The following NKAIN2 variants were observed in gnomAD, a reference collection of about 807,000 sequenced individuals.
NKAIN2 encodes sodium/potassium-transporting ATPase subunit beta-1-interacting protein 2.
A neutral mutation model predicts 32.6 loss-of-function variants in NKAIN2; 14 were observed. That is an observed-to-expected ratio of 0.43 (90% CI 0.28 to 0.67). The LOEUF is 0.67. Ranked by LOEUF, NKAIN2 falls within the 30% of genes least tolerant of loss-of-function variation. NKAIN2 has a pLI of 0.17. For missense variants in NKAIN2, 198 were observed against 258.3 expected, an observed-to-expected ratio of 0.77 and a Z score of 1.60; for synonymous variants, 80 against 87.2, an observed-to-expected ratio of 0.92 and a Z score of 0.46.
chr6:124,578,510 G>T (rs1781411086), intron 3 of NKAIN2, among the ~76,000 whole-genome samples: 1 of 151,950 alleles, frequency 6.6e-6, no homozygotes, highest in Non-Finnish European at 1.5e-5. Context: ...AGGAAAGAGT[G>T]GGAAGGACTT....
intron 3 of NKAIN2, among the ~76,000 whole-genome samples, chr6:124,435,184 A>G (rs571911034): frequency 6.6e-6 from 1 of 152,288 alleles, no homozygotes; most frequent in Admixed American, 6.5e-5. Context: ...GGAATATGGC[A>G]TGCAAACATC....
chr6:124,541,619 AT>A (rs1351342587), intron 3 of NKAIN2, among the ~76,000 whole-genome samples: 1 of 152,196 alleles, frequency 6.6e-6, no homozygotes, highest in Non-Finnish European at 1.5e-5. Context: ...AAAACCAATT[AT>A]TACACAATTA....
At chr6:124,376,628 A>G (rs1265597069) in intron 3 of NKAIN2, among the ~76,000 whole-genome samples, 2 of 152,130 alleles carry the variant, frequency 1.3e-5, no homozygotes, top group Admixed American at 6.6e-5. Context: ...ACTTCCCTAC[A>G]TCACTGCCTT....
intron 1 of NKAIN2, among the ~76,000 whole-genome samples, chr6:123,932,717 T>G (rs146704310): frequency 5.9e-4 from 89 of 151,940 alleles, no homozygotes; most frequent in African/African-American, 2.0e-3. Flanking sequence ...GCGCCCAGCC[T>G]TTCTTTCTTG....
chr6:124,753,582 A>G (rs1322221765), intron 4 of NKAIN2, among the ~76,000 whole-genome samples: 2 of 152,102 alleles, frequency 1.3e-5, no homozygotes, highest in Non-Finnish European at 2.9e-5. Flanking sequence ...TTATATCAAG[A>G]GTCAAAATTC....
intron 1 of NKAIN2, among the ~76,000 whole-genome samples, chr6:124,158,703 C>T: frequency 6.6e-6 from 1 of 152,148 alleles, no homozygotes; most frequent in East Asian, 1.9e-4. Flanking sequence ...GAAGACCCTG[C>T]AATGAGGAGT....
intron 1 of NKAIN2, among the ~76,000 whole-genome samples, chr6:124,170,560 C>T (rs1026691262): frequency 2.0e-5 from 3 of 152,150 alleles, no homozygotes; most frequent in Non-Finnish European, 4.4e-5. Flanking sequence ...GAACATTTCT[C>T]TGTATCATTT....
At chr6:124,514,600 G>A (rs1778835272) in intron 3 of NKAIN2, among the ~76,000 whole-genome samples, 1 of 151,912 alleles carries the variant, frequency 6.6e-6, no homozygotes, top group African/African-American at 2.4e-5. Context: ...TTCAGTGTTG[G>A]GTAGATGGAT....
chr6:124,323,176 A>G (rs1365153354), intron 2 of NKAIN2, among the ~76,000 whole-genome samples: 1 of 152,220 alleles, frequency 6.6e-6, no homozygotes, highest in Admixed American at 6.5e-5. Context: ...AATATAAGTT[A>G]GCTGCCAGGT....
intron 3 of NKAIN2, among the ~76,000 whole-genome samples, chr6:124,443,608 A>G (rs1468163705): frequency 6.6e-6 from 1 of 152,096 alleles, no homozygotes; most frequent in African/African-American, 2.4e-5. Context: ...GCATAGGACC[A>G]TTATAAGGGT....
intron 1 of NKAIN2, among the ~76,000 whole-genome samples, chr6:123,815,516 T>A (rs76280100): frequency 1.3e-5 from 2 of 152,172 alleles, no homozygotes; most frequent in African/African-American, 2.4e-5. Flanking sequence ...GTTTTGAATG[T>A]TTTTTGTTTG....
chr6:124,816,454 G>T (rs893548013), intron 5 of NKAIN2, among the ~76,000 whole-genome samples: 1 of 152,084 alleles, frequency 6.6e-6, no homozygotes, highest in African/African-American at 2.4e-5. Context: ...GTCAATGTAG[G>T]TTCACTGATT....
chr6:124,247,601 C>T (rs1185063600), intron 1 of NKAIN2, among the ~76,000 whole-genome samples: 2 of 152,086 alleles, frequency 1.3e-5, no homozygotes, highest in Non-Finnish European at 2.9e-5. Context: ...AGGACAATGG[C>T]TCCTCTTTGC....
chr6:124,404,878 T>C (rs1773780319), intron 3 of NKAIN2, among the ~76,000 whole-genome samples: 1 of 152,200 alleles, frequency 6.6e-6, no homozygotes, highest in Non-Finnish European at 1.5e-5. Flanking sequence ...ATATACTTAA[T>C]ACAGAAATTA....
intron 3 of NKAIN2, among the ~76,000 whole-genome samples, chr6:124,408,040 GTTGT>G (rs1449065220): frequency 3.9e-5 from 6 of 152,090 alleles, no homozygotes; most frequent in African/African-American, 9.7e-5. Context: ...TTTTGATGGG[GTTGT>G]TTGTTTTTTT....
chr6:123,951,348 G>C (rs892590791), intron 1 of NKAIN2, among the ~76,000 whole-genome samples: 1 of 151,900 alleles, frequency 6.6e-6, no homozygotes, highest in African/African-American at 2.4e-5. Context: ...CTAATACTAA[G>C]AGTGAAGTGT....
Position 124,658,337 on chromosome 6 carries a change from A to G in NKAIN2, c.425A>G (p.Glu142Gly), listed in dbSNP as rs1562309923. 1 of 1,614,146 alleles carries G rather than the reference A, an allele frequency of 6.2e-7. No homozygotes were observed. Among genetic ancestry groups the G allele is most frequent in the Non-Finnish European group, 8.5e-7 (1 of 1,180,010 alleles). The change falls in exon 4 of 7, where the codon GAG becomes GGG. Residue 142 changes from glutamate to glycine, a missense_variant. Physicochemically the swap from Glu to Gly is moderately conservative, Grantham distance 98. Transcript: ENST00000368417. ...ATCACGGTCTCAGGGTGTTTGCTGGAGTACCAGTACATAGAAGTGGCTCAT... is the reference window on the plus strand; with the variant it reads ...ATCACGGTCTCAGGGTGTTTGCTGGGGTACCAGTACATAGAAGTGGCTCAT... ...RYITVSGCLL[E>G]YQYIEVAHSS...
chr6:124,306,975 C>A (rs928387209), intron 2 of NKAIN2, among the ~76,000 whole-genome samples: 4 of 152,220 alleles, frequency 2.6e-5, no homozygotes, highest in Non-Finnish European at 5.9e-5. Context: ...TTGCAACTTG[C>A]ATTTATTACA....
At chr6:124,071,224 T>G (rs1372710959) in intron 1 of NKAIN2, among the ~76,000 whole-genome samples, 2 of 152,126 alleles carry the variant, frequency 1.3e-5, no homozygotes, top group Non-Finnish European at 2.9e-5. Context: ...GGACTTCCTA[T>G]TCAATAAATT....
Sources: gnomAD v4.1 joint callset for allele counts (sites outside exome capture counted in the v4.1 genomes callset) on GRCh38, gnomAD v4.1.1 for gene constraint, MANE v1.5 for transcripts, NCBI Gene and HGNC (gene_info 2026-07-23, HGNC 2026-07-21) for gene names.